The following ZNF648 variants were observed in gnomAD, a reference collection of about 807,000 sequenced individuals.
ZNF648 encodes zinc finger protein 648.
ZNF648 carries 1 observed loss-of-function variant against 0.3 expected under a neutral mutation model. That is an observed-to-expected ratio of 3.90 (90% CI 1.39 to 18.51). ZNF648 has a LOEUF of 18.51. Among genes scored for constraint, ZNF648 ranks in the 30% most tolerant of loss-of-function variants. The pLI is 0.11. For missense variants in ZNF648, 874 were observed against 769.7 expected (o/e 1.14, Z -1.60); for synonymous variants, 376 against 326.8 (o/e 1.15, Z -1.62).
chr1:182,066,520 T>C (rs189408397), upstream of ZNF648, among the ~76,000 whole-genome samples: 76 of 152,302 alleles, frequency 5.0e-4, 3 homozygotes, highest in East Asian at 0.014. Context: ...GTGGAGACTT[T>C]AAATATTGTT....
At chr1:182,064,329 A>G (rs974444041), upstream of ZNF648, 1 of 152,118 alleles carries the variant, frequency 6.6e-6, no homozygotes, top group Non-Finnish European at 1.5e-5. Flanking sequence ...CTTCCTATTC[A>G]TTATTGATGA....
chr1:182,055,342 C>A lies in ZNF648; in HGVS notation c.*962G>T, dbSNP rs746985751. Reference sequence around the variant, plus strand: ...AAAGGGTGTTTTGTTCACTTCAAGTCAAGACTAATGATTCAGACAAATTTA... The same window carrying A: ...AAAGGGTGTTTTGTTCACTTCAAGTAAAGACTAATGATTCAGACAAATTTA... On this transcript the variant is annotated 3_prime_UTR_variant, in exon 2 of 2. Coordinates refer to ENST00000339948, the MANE Select transcript of ZNF648 (RefSeq NM_001009992.1). The surrounding 1 kb of genome is among the most constrained non-coding windows in gnomAD (Gnocchi z 4.1). 7 of 152,202 alleles carry A rather than the reference C, an allele frequency of 4.6e-5. No homozygotes were observed. The highest frequency in any genetic ancestry group is 1.0e-4 in the Non-Finnish European group (7 of 68,046). 9.4% of individuals were successfully genotyped at this position (152,202 alleles called of 1,614,324 possible).
intron 1 of ZNF648, among the ~76,000 whole-genome samples, chr1:182,059,180 T>A (rs1323105829): frequency 1.3e-5 from 2 of 152,142 alleles, no homozygotes; most frequent in Non-Finnish European, 2.9e-5. Flanking sequence ...TGTTTAATCT[T>A]CCCCCAAGTG....
rs1184655818 is a variant in ZNF648 at position 182,057,386 on chromosome 1, G to C, written c.625C>G (p.Pro209Ala). The C allele has an allele frequency of 3.1e-6, 5 of 1,613,404 alleles. No individual in the cohort carries two copies. The African/African-American group carries it at 6.7e-5, about 22-fold the overall frequency. Residue 209 changes from proline to alanine, a missense_variant, in exon 2 of 2, where the codon CCA becomes GCA. Physicochemically the swap from Pro to Ala is conservative, Grantham distance 27. Coordinates refer to ENST00000339948, the MANE Select transcript of ZNF648 (RefSeq NM_001009992.1). ...WDLPTQETHT[P>A]AQASATPASL... ...GCTGGGGTGGCCGACGCCTGGGCTG[G>C]TGTATGTGTCTCTTGCGTGGGAAGG...
rs199639537 is a variant in ZNF648 at position 182,057,340 on chromosome 1, A to G, written c.671T>C (p.Leu224Pro). 3 of 1,610,108 alleles carry G rather than the reference A, an allele frequency of 1.9e-6. No individual in the cohort carries two copies. Among genetic ancestry groups the G allele is most frequent in the East Asian group, 2.2e-5 (1 of 44,864 alleles). The change falls in exon 2 of 2, where the codon CTG becomes CCG. Residue 224 changes from leucine (L) to proline (P), a missense_variant. By Grantham distance (98) the Leu-to-Pro change is moderately conservative (BLOSUM62 -3). Coordinates refer to ENST00000339948, the MANE Select transcript of ZNF648 (RefSeq NM_001009992.1). Reference protein sequence around the residue: ...ATPASLAAAVLAKARNSRKVQ... With the variant: ...ATPASLAAAVPAKARNSRKVQ... The stretch of plus-strand genomic sequence containing the variant: ...TTTCCTGCTGTTCCGCGCTTTTGCC[A>G]GGACCGCGGCAGCCAGGCTGGCTGG...
chr1:182,056,721 G>A lies in ZNF648; in HGVS notation c.1290C>T (p.Thr430=), dbSNP rs201458813. 5.3e-5 allele frequency: 84 copies of A among 1,590,332 alleles called. No individual in the cohort carries two copies. Among genetic ancestry groups the A allele is most frequent in the Middle Eastern group, 3.3e-4 (2 of 6,022 alleles). ...FPCPTCGKCF[T]KSSNLSEHQT... The stretch of plus-strand genomic sequence containing the variant: ...GGTGCTCGGACAGATTGGAGGACTT[G>A]GTGAAGCACTTGCCGCAGGTGGGGC... Residue 430 remains threonine (T), a synonymous_variant, in exon 2 of 2, where the codon ACC becomes ACT. Coordinates refer to ENST00000339948, the MANE Select transcript of ZNF648 (RefSeq NM_001009992.1).
At chr1:182,062,156 T>G (rs1327047811), upstream of ZNF648, among the ~76,000 whole-genome samples, 1 of 152,200 alleles carries the variant, frequency 6.6e-6, no homozygotes, top group East Asian at 1.9e-4. Context: ...TAGCAGCCCA[T>G]TCATTGGCTC....
Position 182,057,003 on chromosome 1 carries a change from CG to C in ZNF648, c.1007del (p.Pro336ArgfsTer36). On this transcript the variant is annotated frameshift_variant, in exon 2 of 2. Transcript: ENST00000339948. LOFTEE classifies it low-confidence loss of function (END_TRUNC). ...IRTHTGEKPY[P>X]CPDCGKAFVR... ...CGAAGGCCTTCCCGCAGTCTGGACA[CG>C]GGTAGGGTTTCTCGCCTGTGTGGGT... The C allele has an allele frequency of 1.2e-6, 2 of 1,613,690 alleles. No individual in the cohort carries two copies. Among genetic ancestry groups the C allele is most frequent in the Non-Finnish European group, 1.7e-6 (2 of 1,179,952 alleles).
intron 1 of ZNF648, among the ~76,000 whole-genome samples, chr1:182,060,820 G>A (rs866902286): frequency 5.8e-4 from 88 of 151,772 alleles, no homozygotes; most frequent in African/African-American, 2.1e-3. Context: ...TGAAACACAT[G>A]TCTTAGGTCT....
intron 1 of ZNF648, among the ~76,000 whole-genome samples, chr1:182,060,467 T>C (rs1168480669): frequency 6.6e-6 from 1 of 152,204 alleles, no homozygotes; most frequent in Admixed American, 6.5e-5. Context: ...GGAGGAATCC[T>C]CACTTTCTGC....
intron 1 of ZNF648, among the ~76,000 whole-genome samples, chr1:182,061,148 C>T (rs138142382): frequency 1.5e-4 from 23 of 152,350 alleles, no homozygotes; most frequent in African/African-American, 5.3e-4. Flanking sequence ...CTCTCGACCA[C>T]CAGGAAGACC....
At position 182,056,148 on chromosome 1, in the gene ZNF648, T is replaced by C; in HGVS notation, c.*156A>G. The C allele has an allele frequency of 9.6e-7, 1 of 1,046,626 alleles. No homozygotes were observed. Among genetic ancestry groups the C allele is most frequent in the Non-Finnish European group, 1.3e-6 (1 of 744,442 alleles). 64.8% of individuals were successfully genotyped at this position (1,046,626 alleles called of 1,614,324 possible). A position where few individuals can be genotyped will look rare whatever the true frequency, so the allele number is the denominator to read the frequency against. On this transcript the variant is annotated 3_prime_UTR_variant, in exon 2 of 2. Transcript: ENST00000339948. ...ACCACCCACCTGGGTGCTCTCTCGG[T>C]GGTGACTTTCTGTTCAAGGGATCAA...
At position 182,056,699 on chromosome 1, in the gene ZNF648, G is replaced by A; in HGVS notation, c.1312C>T (p.His438Tyr). Residue 438 changes from histidine (H) to tyrosine (Y), a missense_variant, in exon 2 of 2, where the codon CAC becomes TAC. Transcript: ENST00000339948. Reference protein sequence around the residue: ...CFTKSSNLSEHQTLHTGQRPF... With the variant: ...CFTKSSNLSEYQTLHTGQRPF... Reference sequence around the variant, plus strand: ...CTCTGGCCGGTGTGCAGCGTCTGGTGCTCGGACAGATTGGAGGACTTGGTG... The same window carrying A: ...CTCTGGCCGGTGTGCAGCGTCTGGTACTCGGACAGATTGGAGGACTTGGTG... 1.9e-6 allele frequency: 3 copies of A among 1,598,704 alleles called. No homozygotes were observed. Among genetic ancestry groups the A allele is most frequent in the Non-Finnish European group, 2.6e-6 (3 of 1,172,650 alleles).
At position 182,057,246 on chromosome 1, in the gene ZNF648, G is replaced by A. The variant is rs1329425799; in HGVS notation, c.765C>T (p.Gly255=). ...TGCTGGGCTTCTGAAAGGCCCGCCC[G>A]CCCCGCAGGCACCTGTAGGGACGCG... ...AEARPYRCLR[G]GRAFQKPSKP... The change falls in exon 2 of 2, where the codon GGC becomes GGT. Residue 255 remains glycine (G), a synonymous_variant. Transcript: ENST00000339948. The A allele has an allele frequency of 1.3e-6, 2 of 1,572,968 alleles. No individual in the cohort carries two copies. The highest frequency in any genetic ancestry group is 1.1e-5 in the South Asian group (1 of 88,466).
chr1:182,062,166 C>G (rs1313887155), upstream of ZNF648, among the ~76,000 whole-genome samples: 7 of 152,200 alleles, frequency 4.6e-5, no homozygotes, highest in Non-Finnish European at 7.3e-5. Flanking sequence ...TTCATTGGCT[C>G]AAAGATGCCC....
chr1:182,056,895 G>A lies in ZNF648; in HGVS notation c.1116C>T (p.Thr372=). The change falls in exon 2 of 2, where the codon ACC becomes ACT. Residue 372 remains threonine, a synonymous_variant. Coordinates refer to ENST00000339948, the MANE Select transcript of ZNF648 (RefSeq NM_001009992.1). ...KPFPCSECGL[T]FNKPLSLLRH... ...GCAGCAGCGACAGCGGCTTGTTGAA[G>A]GTCAGGCCGCACTCGGAGCACGGGA... 6.3e-7 allele frequency: 1 copy of A among 1,585,892 alleles called. No individual in the cohort carries two copies. Among genetic ancestry groups the A allele is most frequent in the Non-Finnish European group, 8.6e-7 (1 of 1,166,876 alleles).
Position 182,058,002 on chromosome 1 carries a change from T to A in ZNF648, c.9A>T (p.Gln3His). Residue 3 changes from glutamine to histidine, a missense_variant, in exon 2 of 2, where the codon CAA becomes CAT. Gln to His is a conservative substitution (Grantham distance 24). Transcript: ENST00000339948. MAQVDSQDRWGEA... is the reference protein window; with the variant it reads MAHVDSQDRWGEA... ...CTCCCCACCTGTCCTGGGAGTCCACTTGTGCCATGATGTTCAGGCGCTTCT... is the reference window on the plus strand; with the variant it reads ...CTCCCCACCTGTCCTGGGAGTCCACATGTGCCATGATGTTCAGGCGCTTCT... 1 of 1,605,118 alleles carries A rather than the reference T, an allele frequency of 6.2e-7. No homozygotes were observed.
At position 182,055,461 on chromosome 1, in the gene ZNF648, C is replaced by T. The variant is rs183914361; in HGVS notation, c.*843G>A. 1.3e-5 allele frequency: 2 copies of T among 152,248 alleles called. No individual in the cohort carries two copies. The highest frequency in any genetic ancestry group is 4.8e-5 in the African/African-American group (2 of 41,544). The allele number at this position is 152,248 out of a possible 1,614,324, so 9.4% of individuals were successfully genotyped here. A position where few individuals can be genotyped will look rare whatever the true frequency, so the allele number is the denominator to read the frequency against. On this transcript the variant is annotated 3_prime_UTR_variant, in exon 2 of 2. Coordinates refer to ENST00000339948, the MANE Select transcript of ZNF648 (RefSeq NM_001009992.1). This position sits in a 1 kb window ranked among gnomAD's most constrained non-coding sequence, Gnocchi z 4.1. The stretch of plus-strand genomic sequence containing the variant: ...AATGGGCCAATTGCTTTGTAAATAT[C>T]ACATATGACTTAAGCCCTCAGAGTG...
In ZNF648 at chr1:182,057,003, C is replaced by G. The variant is rs199803228; in HGVS notation, c.1008G>C (p.Pro336=). ...CGAAGGCCTTCCCGCAGTCTGGACA[C>G]GGGTAGGGTTTCTCGCCTGTGTGGG... ...IRTHTGEKPY[P]CPDCGKAFVR... The change falls in exon 2 of 2, where the codon CCG becomes CCC. Residue 336 remains proline, a synonymous_variant. Transcript: ENST00000339948. 6.2e-7 allele frequency: 1 copy of G among 1,613,690 alleles called. No individual in the cohort carries two copies. The highest frequency in any genetic ancestry group is 1.7e-5 in the Admixed American group (1 of 60,022).
Sources: gnomAD v4.1 joint callset for allele counts (sites outside exome capture counted in the v4.1 genomes callset) on GRCh38, gnomAD v4.1.1 for gene constraint, Gnocchi (gnomAD v3.1) non-coding constraint, MANE v1.5 for transcripts, NCBI Gene and HGNC (gene_info 2026-07-23, HGNC 2026-07-21) for gene names.